Variants in USP6NL observed in about 807,000 individuals in gnomAD.
USP6NL encodes USP6 N-terminal-like protein.
A neutral mutation model predicts 61.9 loss-of-function variants in USP6NL; 26 were observed. That is an observed-to-expected ratio of 0.42 (90% CI 0.31 to 0.58). USP6NL has a LOEUF of 0.58. USP6NL is among the 20% of genes least tolerant of loss of function. The pLI is 0.16. For missense variants in USP6NL, 1,114 were observed against 1,034.3 expected (o/e 1.08, Z -1.06); for synonymous variants, 432 against 390.1 (o/e 1.11, Z -1.27).
intron 3 of USP6NL, among the ~76,000 whole-genome samples, chr10:11,526,944 G>A (rs1218722188): frequency 6.6e-6 from 1 of 152,176 alleles, no homozygotes; most frequent in Non-Finnish European, 1.5e-5. Flanking sequence ...AATAGCAGAT[G>A]TAAATTATGA....
rs1834696186 is a variant in USP6NL at position 11,511,094 on chromosome 10, G to A, written c.196-1419C>T. On this transcript the variant is annotated intron_variant, in intron 5 of 14. Coordinates refer to ENST00000609104, the MANE Select transcript of USP6NL (RefSeq NM_014688.5). The surrounding 1 kb of genome is among the most constrained non-coding windows in gnomAD (Gnocchi z 4.9). ...AATTCCAAAGAAAATCCTGAATTTA[G>A]GAAAAGTTATCTCACCAATGAGAAT... Among the ~76,000 whole-genome samples, 1 of 152,138 alleles carries A rather than the reference G, an allele frequency of 6.6e-6. No individual in the cohort carries two copies. Among genetic ancestry groups the A allele is most frequent in the Admixed American group, 6.5e-5 (1 of 15,276 alleles).
At chr10:11,539,766 T>G (rs1172179190) in intron 2 of USP6NL, among the ~76,000 whole-genome samples, 1 of 152,250 alleles carries the variant, frequency 6.6e-6, no homozygotes, top group East Asian at 1.9e-4. Flanking sequence ...AACAACTCCT[T>G]GCTTGTGGAT....
At chr10:11,498,462 C>T (rs919016082) in intron 7 of USP6NL, among the ~76,000 whole-genome samples, 2 of 151,622 alleles carry the variant, frequency 1.3e-5, no homozygotes, top group Non-Finnish European at 2.9e-5. Flanking sequence ...ATAGTAAATC[C>T]TACCCCTGCC....
At chr10:11,464,900 G>A (rs1034064090) in intron 14 of USP6NL, among the ~76,000 whole-genome samples, 1 of 152,178 alleles carries the variant, frequency 6.6e-6, no homozygotes, top group Non-Finnish European at 1.5e-5. Flanking sequence ...GCCAGGAATG[G>A]AGAAAGTAGA....
In USP6NL at chr10:11,574,326, T is replaced by C. The variant is rs866079582; in HGVS notation, c.4+23305A>G. Among the ~76,000 whole-genome samples, 11 of 152,174 alleles carry C rather than the reference T, an allele frequency of 7.2e-5. No homozygotes were observed. Among genetic ancestry groups the C allele is most frequent in the Admixed American group, 1.3e-4 (2 of 15,272 alleles). Reference sequence around the variant, plus strand: ...CCTCCTCACATATACACCTCTGACATCCCAGTCCATGAATAGAAGTCTAAA... The same window carrying C: ...CCTCCTCACATATACACCTCTGACACCCCAGTCCATGAATAGAAGTCTAAA... On this transcript the variant is annotated intron_variant, in intron 2 of 14. Coordinates refer to ENST00000609104, the MANE Select transcript of USP6NL (RefSeq NM_014688.5). The surrounding 1 kb of genome is among the most constrained non-coding windows in gnomAD (Gnocchi z 4.3).
Position 11,482,026 on chromosome 10 carries a change from C to A in USP6NL, c.926-104G>T. 8.3e-7 allele frequency: 1 copy of A among 1,198,454 alleles called. No individual in the cohort carries two copies. The highest frequency in any genetic ancestry group is 1.1e-6 in the Non-Finnish European group (1 of 890,430). 74.2% of individuals were successfully genotyped at this position (1,198,454 alleles called of 1,614,324 possible). A position where few individuals can be genotyped will look rare whatever the true frequency, so the allele number is the denominator to read the frequency against. The stretch of plus-strand genomic sequence containing the variant: ...TAGTGTAAAAGGGCATTAAAAAGGG[C>A]GCAAGCAGCATACAACTTACATATG... On this transcript the variant is annotated intron_variant, in intron 13 of 14. Coordinates refer to ENST00000609104, the MANE Select transcript of USP6NL (RefSeq NM_014688.5). This position sits in a 1 kb window ranked among gnomAD's most constrained non-coding sequence, Gnocchi z 4.0.
Position 11,463,953 on chromosome 10 carries a change from T to TG in USP6NL, c.1079-105_1079-104insC. 9.3e-7 allele frequency: 1 copy of TG among 1,079,862 alleles called. No homozygotes were observed. Among genetic ancestry groups the TG allele is most frequent in the Non-Finnish European group, 1.3e-6 (1 of 764,600 alleles). The allele number at this position is 1,079,862 out of a possible 1,614,324, so 66.9% of individuals were successfully genotyped here. A position where few individuals can be genotyped will look rare whatever the true frequency, so the allele number is the denominator to read the frequency against. ...GGCATGCTTTTCATCTGTGCACAGA[T>TG]ACACGCTGACATACAACACACTGTC... is the stretch of plus-strand genomic sequence containing the variant. On this transcript the variant is annotated intron_variant, in intron 14 of 14. Transcript: ENST00000609104. The surrounding 1 kb of genome is among the most constrained non-coding windows in gnomAD (Gnocchi z 6.3).
intron 2 of USP6NL, among the ~76,000 whole-genome samples, chr10:11,530,101 C>CAAAA (rs900768943): frequency 1.5e-4 from 11 of 71,976 alleles, no homozygotes; most frequent in Middle Eastern, 8.5e-3. Context: ...GACCCTGTCT[C>CAAAA]AAAAAAAAAA....
intron 3 of USP6NL, among the ~76,000 whole-genome samples, chr10:11,527,257 A>G (rs1425522204): frequency 6.6e-6 from 1 of 152,186 alleles, no homozygotes; most frequent in African/African-American, 2.4e-5. Context: ...CAGGTAGAGG[A>G]AACAGCCAGT....
Position 11,481,192 on chromosome 10 carries a change from AG to A in USP6NL, c.1078+577del, listed in dbSNP as rs1275769063. ...AGTACCTAGCAGAAAACCTATTAGTAGGTGCTGAAAAATGTCTTACAATAAG... is the reference window on the plus strand; with the variant it reads ...AGTACCTAGCAGAAAACCTATTAGTAGTGCTGAAAAATGTCTTACAATAAG... On this transcript the variant is annotated intron_variant, in intron 14 of 14. Coordinates refer to ENST00000609104, the MANE Select transcript of USP6NL (RefSeq NM_014688.5). The surrounding 1 kb of genome is among the most constrained non-coding windows in gnomAD (Gnocchi z 4.4). Among the ~76,000 whole-genome samples, 2 of 152,216 alleles carry A rather than the reference AG, an allele frequency of 1.3e-5. No homozygotes were observed. The highest frequency in any genetic ancestry group is 4.8e-5 in the African/African-American group (2 of 41,456).
intron 1 of USP6NL, among the ~76,000 whole-genome samples, chr10:11,606,330 C>T (rs1776079935): frequency 6.6e-6 from 1 of 152,104 alleles, no homozygotes; most frequent in African/African-American, 2.4e-5. Context: ...AATATTACAT[C>T]CACTCTGAAG....
chr10:11,544,706 C>T (rs1363026362), intron 2 of USP6NL, among the ~76,000 whole-genome samples: 1 of 152,066 alleles, frequency 6.6e-6, no homozygotes, highest in African/African-American at 2.4e-5. Flanking sequence ...GCAGGCTGGT[C>T]TCAAACTCCT....
At chr10:11,477,137 G>T (rs1296189065) in intron 14 of USP6NL, among the ~76,000 whole-genome samples, 4 of 152,180 alleles carry the variant, frequency 2.6e-5, no homozygotes, top group Non-Finnish European at 5.9e-5. Flanking sequence ...CTTCCAAAGT[G>T]TTGGGATTAC....
intron 2 of USP6NL, among the ~76,000 whole-genome samples, chr10:11,566,772 T>A (rs1242332331): frequency 6.6e-6 from 1 of 152,256 alleles, no homozygotes; most frequent in Non-Finnish European, 1.5e-5. Context: ...ACCATATTCT[T>A]AATTAATATA....
rs568605983 is a variant in USP6NL at position 11,537,144 on chromosome 10, T to G, written c.5-9577A>C. Among the ~76,000 whole-genome samples, 3 of 152,346 alleles carry G rather than the reference T, an allele frequency of 2.0e-5. No homozygotes were observed. The highest frequency in any genetic ancestry group is 7.2e-5 in the African/African-American group (3 of 41,588). ...TGTTTGTTTTGAGACAAGGTCTCACTCTGCCGCCCAGACTGGAGTGCAGTG... is the reference window on the plus strand; with the variant it reads ...TGTTTGTTTTGAGACAAGGTCTCACGCTGCCGCCCAGACTGGAGTGCAGTG... On this transcript the variant is annotated intron_variant, in intron 2 of 14. Transcript: ENST00000609104. This position sits in a 1 kb window ranked among gnomAD's most constrained non-coding sequence, Gnocchi z 5.1.
intron 2 of USP6NL, among the ~76,000 whole-genome samples, chr10:11,555,108 G>T (rs11257167): frequency 0.22 from 22,435 of 100,224 alleles, 2,155 homozygotes; most frequent in East Asian, 0.56. Flanking sequence ...TTTTTTTTTT[G>T]GTTTTTTTTT....
intron 7 of USP6NL, 117 bp from the exon 8 acceptor site, chr10:11,493,345 T>G: frequency 1.2e-6 from 1 of 822,114 alleles, no homozygotes; most frequent in Non-Finnish European, 1.9e-6. Context: ...ACTCAATGGT[T>G]AAAAAAAATC....
chr10:11,492,755 T>A (rs894734004), intron 8 of USP6NL, among the ~76,000 whole-genome samples: 2 of 152,226 alleles, frequency 1.3e-5, no homozygotes. Flanking sequence ...TGTCCCTTTT[T>A]TAAAAAAAGT....
At chr10:11,505,781 C>T (rs903749927) in intron 6 of USP6NL, among the ~76,000 whole-genome samples, 4 of 152,152 alleles carry the variant, frequency 2.6e-5, no homozygotes, top group African/African-American at 9.7e-5. Context: ...TTATGACTGC[C>T]AGTGAGTAAA....
Sources: gnomAD v4.1 joint callset for allele counts (sites outside exome capture counted in the v4.1 genomes callset) on GRCh38, gnomAD v4.1.1 for gene constraint, Gnocchi (gnomAD v3.1) non-coding constraint, MANE v1.5 for transcripts, NCBI Gene and HGNC (gene_info 2026-07-23, HGNC 2026-07-21) for gene names.